Variants in GRB10 observed in about 807,000 individuals in gnomAD.
GRB10 encodes growth factor receptor-bound protein 10.
In GRB10, 20 loss-of-function variants were observed where a neutral mutation model predicts 80.9. The ratio of observed to expected loss-of-function variants is 0.25; its 90% CI spans 0.17 to 0.36. The LOEUF is 0.36. GRB10 is among the 10% of genes least tolerant of loss of function. The pLI, the probability that GRB10 is intolerant of heterozygous loss-of-function variation, is 1.00. For synonymous variants in GRB10, 291 were observed against 291.5 expected, an observed-to-expected ratio of 1.00 and a Z score of 0.02; for missense variants, 548 against 747.7, an observed-to-expected ratio of 0.73 and a Z score of 3.12.
intron 5 of GRB10, among the ~76,000 whole-genome samples, chr7:50,677,165 A>C (rs1238890462): frequency 6.6e-6 from 1 of 152,156 alleles, no homozygotes; most frequent in African/African-American, 2.4e-5. Flanking sequence ...AAGAAGAGAG[A>C]TGTTGCCATG....
rs561225156 is a variant in GRB10, at chr7:50,627,039, C to T, written c.505-61G>A. On this transcript the variant is annotated intron_variant, in intron 7 of 18. Coordinates refer to ENST00000401949, the MANE Select transcript of GRB10 (RefSeq NM_001350814.2). ...ACTTCGGGCTTTCAAGAAATAAAAA[C>T]TGAAACAAAAGAAAACAGGTAAAGT... is the stretch of plus-strand genomic sequence containing the variant. 7 of 1,550,644 alleles carry T rather than the reference C, an allele frequency of 4.5e-6. No individual in the cohort carries two copies. In the East Asian group the frequency reaches 9.0e-5, roughly 20 times the overall value.
chr7:50,748,821 T>C (rs1015346487), intron 3 of GRB10, among the ~76,000 whole-genome samples: 3 of 152,204 alleles, frequency 2.0e-5, no homozygotes, highest in African/African-American at 7.2e-5. Context: ...TCGAATTTCA[T>C]GGAGAGAGTG....
intron 2 of GRB10, among the ~76,000 whole-genome samples, chr7:50,763,274 T>C (rs1300837478): frequency 6.6e-6 from 1 of 152,154 alleles, no homozygotes. Flanking sequence ...AAAACAGACA[T>C]GTGAAACATG....
intron 5 of GRB10, among the ~76,000 whole-genome samples, chr7:50,699,713 A>G (rs1462538145): frequency 1.3e-5 from 2 of 152,190 alleles, no homozygotes; most frequent in African/African-American, 4.8e-5. Flanking sequence ...GTAAAACGGT[A>G]TTATAATTTT....
chr7:50,639,330 C>A (rs139486588), intron 7 of GRB10, among the ~76,000 whole-genome samples: 7 of 152,060 alleles, frequency 4.6e-5, no homozygotes, highest in Non-Finnish European at 8.8e-5. Flanking sequence ...TTTAAAAATC[C>A]TTTTTTCTAA....
intron 5 of GRB10, among the ~76,000 whole-genome samples, chr7:50,690,681 AACGAATGAAT>A (rs1437259156): frequency 2.2e-5 from 2 of 90,466 alleles, no homozygotes; most frequent in East Asian, 4.4e-4. Flanking sequence ...TGAACGAATG[AACGAATGAAT>A]GAAAGACACA....
intron 7 of GRB10, among the ~76,000 whole-genome samples, chr7:50,630,380 A>G (rs1387183402): frequency 1.3e-5 from 2 of 152,214 alleles, no homozygotes; most frequent in Non-Finnish European, 2.9e-5. Flanking sequence ...ATCTGTAAGC[A>G]GCACCAGCCT....
At chr7:50,719,876 A>G (rs1018038135) in intron 4 of GRB10, among the ~76,000 whole-genome samples, 2 of 150,988 alleles carry the variant, frequency 1.3e-5, no homozygotes, top group Non-Finnish European at 3.0e-5. Flanking sequence ...TTCTTAAGTC[A>G]TACTATCAAG....
At chr7:50,642,313 C>T (rs1563261052) in intron 7 of GRB10, among the ~76,000 whole-genome samples, 1 of 151,890 alleles carries the variant, frequency 6.6e-6, no homozygotes, top group Non-Finnish European at 1.5e-5. Context: ...CACACACACA[C>T]ACATACAAAC....
chr7:50,629,944 C>T (rs1254358319), intron 7 of GRB10, among the ~76,000 whole-genome samples: 1 of 152,236 alleles, frequency 6.6e-6, no homozygotes, highest in African/African-American at 2.4e-5. Flanking sequence ...ACTCACAGTT[C>T]AGAGCGGAGA....
intron 3 of GRB10, among the ~76,000 whole-genome samples, chr7:50,752,212 T>C (rs963189045): frequency 6.6e-6 from 1 of 151,912 alleles, no homozygotes; most frequent in Admixed American, 6.6e-5. Flanking sequence ...GAAGCAAAGT[T>C]ATTAGGGGGG....
chr7:50,733,028 T>C (rs959518714), intron 3 of GRB10, among the ~76,000 whole-genome samples: 2 of 152,206 alleles, frequency 1.3e-5, no homozygotes, highest in African/African-American at 4.8e-5. Flanking sequence ...GTTCCTAAGC[T>C]GCAGCCCTAA....
chr7:50,656,197 G>C (rs1486700012), intron 7 of GRB10, among the ~76,000 whole-genome samples: 8 of 152,188 alleles, frequency 5.3e-5, no homozygotes, highest in African/African-American at 1.9e-4. Flanking sequence ...AGACAGGCGC[G>C]GGCTGAGCGC....
chr7:50,655,470 G>A (rs2058553493), intron 7 of GRB10, among the ~76,000 whole-genome samples: 1 of 152,298 alleles, frequency 6.6e-6, no homozygotes, highest in Admixed American at 6.5e-5. Context: ...AGGAAACACA[G>A]AACTGCAAGT....
chr7:50,639,471 C>T (rs7456111), intron 7 of GRB10, among the ~76,000 whole-genome samples: 13,339 of 151,456 alleles, frequency 0.088, 889 homozygotes, highest in Non-Finnish European at 0.11. Context: ...GTCAGGAGAT[C>T]GAGATCATCC....
At chr7:50,648,594 G>C (rs1047984171) in intron 7 of GRB10, among the ~76,000 whole-genome samples, 21 of 152,212 alleles carry the variant, frequency 1.4e-4, no homozygotes, top group African/African-American at 5.1e-4. Flanking sequence ...GCCAGCCCAA[G>C]GATGGCAGAG....
At chr7:50,777,487 T>TTTGATTTATATACAAA (rs2077801379) in intron 2 of GRB10, among the ~76,000 whole-genome samples, 1 of 151,118 alleles carries the variant, frequency 6.6e-6, no homozygotes, top group Non-Finnish European at 1.5e-5. Context: ...AATATACTAA[T>TTTGATTTATATACAAA]TATAATTGAA....
At chr7:50,755,078 T>C (rs2074850707) in intron 3 of GRB10, among the ~76,000 whole-genome samples, 2 of 152,180 alleles carry the variant, frequency 1.3e-5, no homozygotes, top group African/African-American at 4.8e-5. Flanking sequence ...TCCAGAACTA[T>C]AAGAAAACAA....
intron 7 of GRB10, among the ~76,000 whole-genome samples, chr7:50,668,463 G>A (rs2060034288): frequency 6.6e-6 from 1 of 152,152 alleles, no homozygotes; most frequent in Non-Finnish European, 1.5e-5. Context: ...TCTGAGGCCG[G>A]GTCACACTCA....
Sources: gnomAD v4.1 joint callset for allele counts (sites outside exome capture counted in the v4.1 genomes callset) on GRCh38, gnomAD v4.1.1 for gene constraint, MANE v1.5 for transcripts, NCBI Gene and HGNC (gene_info 2026-07-23, HGNC 2026-07-21) for gene names.